Variants in FRAS1 observed in about 807,000 individuals in gnomAD.
FRAS1 encodes Fraser extracellular matrix complex subunit 1.
A neutral mutation model predicts 435.2 loss-of-function variants in FRAS1; 290 were observed. The ratio of observed to expected loss-of-function variants is 0.67; its 90% CI spans 0.61 to 0.73. The LOEUF (loss-of-function observed/expected upper bound fraction) is 0.73, where lower values mean the gene tolerates loss of function less well. Among genes scored for constraint, FRAS1 ranks in the 30% least tolerant of loss-of-function variants. FRAS1 has a pLI of 0.00. For synonymous variants in FRAS1, 1,800 were observed against 1,851.0 expected (o/e 0.97, Z 0.71); for missense variants, 4,860 against 5,001.5 (o/e 0.97, Z 0.85).
At chr4:78,182,074 A>G (rs1187229209) in intron 2 of FRAS1, 2 of 1,499,248 alleles carry the variant, frequency 1.3e-6, no homozygotes, top group East Asian at 2.3e-5. Flanking sequence ...GGGTTCCTCT[A>G]CGGATTGCAG....
chr4:78,253,546 C>T (rs1725644966), intron 5 of FRAS1, among the ~76,000 whole-genome samples: 1 of 152,164 alleles, frequency 6.6e-6, no homozygotes, highest in African/African-American at 2.4e-5. Context: ...GCTGGTCCCT[C>T]CGTTTGGGGT....
intron 2 of FRAS1, among the ~76,000 whole-genome samples, chr4:78,194,159 T>A (rs929053414): frequency 5.9e-5 from 9 of 152,248 alleles, no homozygotes; most frequent in Non-Finnish European, 8.8e-5. Flanking sequence ...TCTGATGGGC[T>A]TCCCTTTGTG....
At chr4:78,255,127 C>A (rs1725730863) in intron 5 of FRAS1, 115 bp from the exon 6 acceptor site, 4 of 947,146 alleles carry the variant, frequency 4.2e-6, no homozygotes, top group Non-Finnish European at 6.7e-6. Context: ...AAATGCAGGA[C>A]CTCCTTCTGT....
rs1417145023 is a variant in FRAS1 at position 78,181,748 on chromosome 4, G to A, written c.109-55762G>A. 9 of 1,609,850 alleles carry A rather than the reference G, an allele frequency of 5.6e-6. No homozygotes were observed. The Admixed American group carries it at 6.7e-5, about 12-fold the overall frequency. ...TCGTCTTATTCCTTCTTTCTTAAGC[G>A]CCACGGGCGGCTGCGTCTCCTCTTT... On this transcript the variant is annotated intron_variant, in intron 2 of 73. Transcript: ENST00000512123.
chr4:78,526,620 G>A lies in FRAS1; in HGVS notation c.10888G>A (p.Glu3630Lys). ...CACACAGCCATGGGTTGACCCAGGAGAGAAGCCTTTGGCCTGCACTGCACA... is the reference window on the plus strand; with the variant it reads ...CACACAGCCATGGGTTGACCCAGGAAAGAAGCCTTTGGCCTGCACTGCACA... ...QPTQPWVDPG[E>K]KPLACTAHAP... The change falls in exon 70 of 74, where the codon GAG becomes AAG. Residue 3630 changes from glutamate to lysine, a missense_variant. Coordinates refer to ENST00000512123, the MANE Select transcript of FRAS1 (RefSeq NM_025074.7). The A allele has an allele frequency of 6.3e-7, 1 of 1,597,414 alleles. No homozygotes were observed. Among genetic ancestry groups the A allele is most frequent in the Non-Finnish European group, 8.5e-7 (1 of 1,172,732 alleles).
At chr4:78,517,315 CTT>C (rs1416592121) in intron 66 of FRAS1, among the ~76,000 whole-genome samples, 2 of 152,168 alleles carry the variant, frequency 1.3e-5, no homozygotes, top group Non-Finnish European at 2.9e-5. Flanking sequence ...TAAACTTTGA[CTT>C]TGGAAAATGC....
At chr4:78,223,605 A>G (rs1724145097) in intron 2 of FRAS1, among the ~76,000 whole-genome samples, 1 of 152,158 alleles carries the variant, frequency 6.6e-6, no homozygotes, top group African/African-American at 2.4e-5. Flanking sequence ...CATATGGTAT[A>G]GGTACTTCCA....
In FRAS1 at chr4:78,479,602, C is replaced by G. The variant is rs1396860165; in HGVS notation, c.8327C>G (p.Ala2776Gly). ...EEEFEIALADASDNARIGRVA... is the reference protein window; with the variant it reads ...EEEFEIALADGSDNARIGRVA... ...GAGTTTGAGATTGCCTTGGCAGATGCCTCTGACAATGCCCGCATTGGAAGG... is the reference window on the plus strand; with the variant it reads ...GAGTTTGAGATTGCCTTGGCAGATGGCTCTGACAATGCCCGCATTGGAAGG... The change falls in exon 56 of 74, where the codon GCC becomes GGC. Residue 2776 changes from alanine (A) to glycine (G), a missense_variant. Coordinates refer to ENST00000512123, the MANE Select transcript of FRAS1 (RefSeq NM_025074.7). 1.2e-6 allele frequency: 2 copies of G among 1,613,776 alleles called. No individual in the cohort carries two copies.
intron 2 of FRAS1, among the ~76,000 whole-genome samples, chr4:78,182,261 G>T (rs373644181): frequency 2.0e-5 from 3 of 152,240 alleles, no homozygotes; most frequent in East Asian, 1.9e-4. Context: ...ACCGTGTTGT[G>T]GTTATATGAT....
chr4:78,510,166 A>G (rs1054548711), intron 63 of FRAS1, among the ~76,000 whole-genome samples: 1 of 152,192 alleles, frequency 6.6e-6, no homozygotes, highest in Non-Finnish European at 1.5e-5. Flanking sequence ...TTAAGTATCT[A>G]TTTCTGTCTT....
intron 25 of FRAS1, 78 bp from the exon 26 acceptor site, chr4:78,375,661 T>C: frequency 7.7e-7 from 1 of 1,294,654 alleles, no homozygotes; most frequent in Non-Finnish European, 1.0e-6. Context: ...CTCTGACTCT[T>C]CTGGTTGCAA....
intron 14 of FRAS1, among the ~76,000 whole-genome samples, chr4:78,305,322 A>G (rs1728655247): frequency 6.6e-6 from 1 of 151,784 alleles, no homozygotes; most frequent in African/African-American, 2.4e-5. Flanking sequence ...GTGGTGCTGA[A>G]AAGAATGTAT....
intron 2 of FRAS1, among the ~76,000 whole-genome samples, chr4:78,102,672 C>G (rs563045917): frequency 2.6e-5 from 4 of 152,086 alleles, no homozygotes; most frequent in Admixed American, 6.5e-5. Flanking sequence ...ATAGTGAGGG[C>G]TACTATAAAG....
intron 58 of FRAS1, among the ~76,000 whole-genome samples, chr4:78,488,059 G>C (rs573391752): frequency 5.3e-5 from 8 of 152,214 alleles, no homozygotes; most frequent in Admixed American, 4.6e-4. Flanking sequence ...CTTGAACCCG[G>C]GAGGTAGAGG....
rs1553927606 is a variant in FRAS1 at position 78,183,732 on chromosome 4, T to TGTGTG, written c.109-53778_109-53777insGTGTG. 2.9e-5 allele frequency among the ~76,000 whole-genome samples: 4 copies of TGTGTG among 137,042 alleles called. No homozygotes were observed. In the South Asian group the frequency reaches 1.0e-3, roughly 35 times the overall value. 89.9% of individuals were successfully genotyped at this position (137,042 alleles called of 152,430 possible). A position where few individuals can be genotyped will look rare whatever the true frequency, so the allele number is the denominator to read the frequency against. ...TTTTTTCTCCCTGTTTTCATTCTCT[T>TGTGTG]TGTGTGTGTGTGTGTGTGTGTGTGT... is the stretch of plus-strand genomic sequence containing the variant. On this transcript the variant is annotated intron_variant, in intron 2 of 73. Transcript: ENST00000512123.
intron 31 of FRAS1, among the ~76,000 whole-genome samples, chr4:78,411,576 T>G (rs1211044168): frequency 6.6e-6 from 1 of 152,158 alleles, no homozygotes; most frequent in African/African-American, 2.4e-5. Flanking sequence ...TTCAGAGTCA[T>G]TTTTTGGTGT....
chr4:78,517,081 T>C lies in FRAS1; in HGVS notation c.10389+1068T>C, dbSNP rs1334006197. Reference sequence around the variant, plus strand: ...GCAGTTATCTCAATGAGCTAAAAACTAGTTAGATGTTTGTTCTTCATTTCA... The same window carrying C: ...GCAGTTATCTCAATGAGCTAAAAACCAGTTAGATGTTTGTTCTTCATTTCA... On this transcript the variant is annotated intron_variant, in intron 66 of 73. Coordinates refer to ENST00000512123, the MANE Select transcript of FRAS1 (RefSeq NM_025074.7). Among the ~76,000 whole-genome samples the C allele has an allele frequency of 3.3e-5, 5 of 152,344 alleles. No homozygotes were observed. In the East Asian group the frequency reaches 9.6e-4, roughly 29 times the overall value.
chr4:78,363,930 C>T lies in FRAS1; in HGVS notation c.2598C>T (p.Thr866=), dbSNP rs149802708. The T allele has an allele frequency of 7.2e-4, 1,165 of 1,611,418 alleles. 1 individual carries two copies. The highest frequency in any genetic ancestry group is 8.8e-4 in the Non-Finnish European group (1,036 of 1,178,906). The change falls in exon 22 of 74, where the codon ACC becomes ACT. Residue 866 remains threonine, a synonymous_variant. Coordinates refer to ENST00000512123, the MANE Select transcript of FRAS1 (RefSeq NM_025074.7). Reference sequence around the variant, plus strand: ...CAGAATGCCACTCCTCCTGCAGAACCTGCCAGGGCAGAGGACCTTTCTCCT... The same window carrying T: ...CAGAATGCCACTCCTCCTGCAGAACTTGCCAGGGCAGAGGACCTTTCTCCT... ...ACKKCHSSCR[T]CQGRGPFSCS... is the part of the protein sequence containing the mutation.
chr4:78,366,305 C>T (rs11945678), intron 22 of FRAS1, among the ~76,000 whole-genome samples: 1 of 152,028 alleles, frequency 6.6e-6, no homozygotes, highest in African/African-American at 2.4e-5. Flanking sequence ...CAGAGTTACT[C>T]AAGCCAATCT....
Sources: gnomAD v4.1 joint callset for allele counts (sites outside exome capture counted in the v4.1 genomes callset) on GRCh38, gnomAD v4.1.1 for gene constraint, MANE v1.5 for transcripts, NCBI Gene and HGNC (gene_info 2026-07-23, HGNC 2026-07-21) for gene names.